The following GATB variants were observed in gnomAD, a reference collection of about 807,000 sequenced individuals.
GATB encodes the protein glutamyl-tRNA amidotransferase subunit B.
In GATB, 39 loss-of-function variants were observed where a neutral mutation model predicts 62.3. The ratio of observed to expected loss-of-function variants is 0.63; its 90% CI spans 0.48 to 0.82. The LOEUF is 0.82. Among genes scored for constraint, GATB ranks in the 40% least tolerant of loss-of-function variants. The probability of loss-of-function intolerance (pLI) is 0.00; values close to 1 mark genes in which losing one functional copy is unlikely to be tolerated. For missense variants in GATB, 670 were observed against 684.0 expected, an observed-to-expected ratio of 0.98 and a Z score of 0.23; for synonymous variants, 276 against 258.9, an observed-to-expected ratio of 1.07 and a Z score of -0.63.
chr4:151,743,416 G>A (rs1324452748), intron 2 of GATB, among the ~76,000 whole-genome samples: 1 of 152,218 alleles, frequency 6.6e-6, no homozygotes, highest in Non-Finnish European at 1.5e-5. Context: ...TCAGTGCTGT[G>A]TAGTCAGTGC....
chr4:151,723,305 A>C (rs1739067857), intron 2 of GATB: 1 of 152,226 alleles, frequency 6.6e-6, no homozygotes, highest in Admixed American at 6.5e-5. Flanking sequence ...CTTACAATGA[A>C]GGGAAGCATA....
chr4:151,676,715 A>G (rs1738014731), intron 11 of GATB, among the ~76,000 whole-genome samples: 3 of 152,188 alleles, frequency 2.0e-5, no homozygotes, highest in Non-Finnish European at 4.4e-5. Flanking sequence ...TTCCCAGGAG[A>G]TAACTGCTCA....
intron 10 of GATB, among the ~76,000 whole-genome samples, chr4:151,684,026 A>C (rs1309425332): frequency 6.6e-6 from 1 of 152,138 alleles, no homozygotes; most frequent in Non-Finnish European, 1.5e-5. Context: ...CAACACCACC[A>C]CTTCTGACTT....
In GATB at chr4:151,671,139, G is replaced by A. The variant is rs947314020; in HGVS notation, c.*35C>T. 2.7e-5 allele frequency: 44 copies of A among 1,613,302 alleles called. No individual in the cohort carries two copies. The highest frequency in any genetic ancestry group is 3.6e-5 in the Non-Finnish European group (43 of 1,179,468). ...TGTTCCCAGTCAGGCTGCACTGTTT[G>A]TTGTTGTCCCTTGGGCAAGGGGATC... On this transcript the variant is annotated 3_prime_UTR_variant, in exon 13 of 13. Coordinates refer to ENST00000263985, the MANE Select transcript of GATB (RefSeq NM_004564.3).
intron 2 of GATB, among the ~76,000 whole-genome samples, chr4:151,734,117 T>C (rs1264786826): frequency 1.3e-5 from 2 of 151,990 alleles, no homozygotes; most frequent in Non-Finnish European, 2.9e-5. Context: ...ACAAGAGAAA[T>C]AGAAGGCATC....
At chr4:151,700,748 A>C (rs1738586023) in intron 9 of GATB, among the ~76,000 whole-genome samples, 1 of 152,228 alleles carries the variant, frequency 6.6e-6, no homozygotes, top group African/African-American at 2.4e-5. Flanking sequence ...GGCAGCTTTG[A>C]AAAGGATGGA....
At chr4:151,735,734 G>GTACATATATATATATATATATATATA (rs1491213513) in intron 2 of GATB, among the ~76,000 whole-genome samples, 1 of 93,614 alleles carries the variant, frequency 1.1e-5, no homozygotes, top group Non-Finnish European at 2.1e-5. Flanking sequence ...ATAAACTGTG[G>GTACATATATATATATATATATATATA]TGTATATATA....
chr4:151,747,691 C>T (rs1739630010), intron 2 of GATB, among the ~76,000 whole-genome samples: 1 of 152,226 alleles, frequency 6.6e-6, no homozygotes, highest in African/African-American at 2.4e-5. Flanking sequence ...ACAAGGGATG[C>T]AGACTTCTCA....
chr4:151,745,815 A>C (rs1379152685), intron 2 of GATB, among the ~76,000 whole-genome samples: 1 of 152,218 alleles, frequency 6.6e-6, no homozygotes, highest in Non-Finnish European at 1.5e-5. Flanking sequence ...CCAATTCTAA[A>C]TACCTTTGAT....
At chr4:151,750,590 C>G (rs781090438) in intron 2 of GATB, among the ~76,000 whole-genome samples, 10 of 151,954 alleles carry the variant, frequency 6.6e-5, no homozygotes, top group African/African-American at 9.7e-5. Context: ...AGACATTTTG[C>G]AATATTTTTA....
In GATB at chr4:151,716,882, T is replaced by C; in HGVS notation, c.634A>G (p.Arg212Gly). The change falls in exon 4 of 13, where the codon AGG (arginine) becomes GGG (glycine). Residue 212 changes from arginine to glycine, a missense_variant. Arg to Gly is a moderately radical substitution (Grantham distance 125). Transcript: ENST00000263985. ...LRSQTLIDLN[R>G]AGVGLLEVVL... is the part of the protein sequence containing the mutation. ...GAAAACACTCCAAGCCTACCTGCCC[T>C]GTTCAAATCAATGAGCGTCTGAGAC... The C allele has an allele frequency of 1.9e-6, 3 of 1,614,154 alleles. No individual in the cohort carries two copies. Among genetic ancestry groups the C allele is most frequent in the Non-Finnish European group, 2.5e-6 (3 of 1,179,988 alleles).
chr4:151,709,988 G>A (rs1374073416), intron 5 of GATB, among the ~76,000 whole-genome samples: 4 of 152,050 alleles, frequency 2.6e-5, no homozygotes, highest in South Asian at 2.1e-4. Context: ...CCACCAGCAC[G>A]CTCTCTTTAT....
chr4:151,711,715 C>G (rs1738821042), intron 5 of GATB, among the ~76,000 whole-genome samples: 1 of 152,170 alleles, frequency 6.6e-6, no homozygotes, highest in Non-Finnish European at 1.5e-5. Context: ...TCTTTGTCAC[C>G]CTCCTGAACA....
In GATB at chr4:151,744,128, G is replaced by C. The variant is rs183317615; in HGVS notation, c.327+14644C>G. On this transcript the variant is annotated intron_variant, in intron 2 of 12. Coordinates refer to ENST00000263985, the MANE Select transcript of GATB (RefSeq NM_004564.3). ...AATAACTGATGTTGCTGATAAGCTTGGGTAATCAAGAAAAGGTTGTCTTAT... is the reference window on the plus strand; with the variant it reads ...AATAACTGATGTTGCTGATAAGCTTCGGTAATCAAGAAAAGGTTGTCTTAT... Among the ~76,000 whole-genome samples the C allele has an allele frequency of 8.5e-5, 13 of 152,288 alleles. No homozygotes were observed. In the East Asian group the frequency reaches 2.5e-3, roughly 29 times the overall value.
intron 2 of GATB, among the ~76,000 whole-genome samples, chr4:151,740,988 T>C (rs1739473334): frequency 6.6e-6 from 1 of 152,142 alleles, no homozygotes; most frequent in African/African-American, 2.4e-5. Flanking sequence ...GCATCTTTGG[T>C]AATGTGTTCA....
intron 2 of GATB, among the ~76,000 whole-genome samples, chr4:151,754,634 G>A (rs936900906): frequency 6.6e-6 from 1 of 151,974 alleles, no homozygotes; most frequent in African/African-American, 2.4e-5. Flanking sequence ...TATAACAATT[G>A]TTTTAAGTGA....
intron 10 of GATB, among the ~76,000 whole-genome samples, chr4:151,685,183 C>A (rs1055479501): frequency 6.6e-6 from 1 of 152,216 alleles, no homozygotes; most frequent in Non-Finnish European, 1.5e-5. Context: ...GAAGCGCAAA[C>A]ACCTCATCTT....
At chr4:151,698,280 T>C (rs1738529439) in intron 9 of GATB, among the ~76,000 whole-genome samples, 2 of 152,104 alleles carry the variant, frequency 1.3e-5, no homozygotes, top group Non-Finnish European at 2.9e-5. Context: ...ATTAGAGTTC[T>C]GTAAATATTA....
intron 2 of GATB, among the ~76,000 whole-genome samples, chr4:151,735,235 GAA>G (rs530781519): frequency 5.1e-5 from 5 of 98,824 alleles, no homozygotes; most frequent in African/African-American, 1.3e-4. Flanking sequence ...AAATCAGTAA[GAA>G]AAAAAAAAAA....
Sources: gnomAD v4.1 joint callset for allele counts (sites outside exome capture counted in the v4.1 genomes callset) on GRCh38, gnomAD v4.1.1 for gene constraint, MANE v1.5 for transcripts, NCBI Gene and HGNC (gene_info 2026-07-23, HGNC 2026-07-21) for gene names.